The following COMMD10 variants were observed in gnomAD, a reference collection of about 807,000 sequenced individuals.
COMMD10 encodes COMM domain-containing protein 10.
Under a neutral mutation model 28.9 loss-of-function variants are expected in COMMD10, and 33 were observed. The ratio of observed to expected loss-of-function variants is 1.14; its 90% CI spans 0.87 to 1.53. The LOEUF (loss-of-function observed/expected upper bound fraction) is 1.53, where lower values mean the gene tolerates loss of function less well. COMMD10 is among the 40% of genes most tolerant of loss of function. COMMD10 has a pLI of 0.00. For missense variants in COMMD10, 310 were observed against 233.4 expected, an observed-to-expected ratio of 1.33 and a Z score of -2.14; for synonymous variants, 110 against 81.7, an observed-to-expected ratio of 1.35 and a Z score of -1.87.
At chr5:116,209,732 C>T (rs1442169379) in intron 5 of COMMD10, among the ~76,000 whole-genome samples, 2 of 152,106 alleles carry the variant, frequency 1.3e-5, no homozygotes, top group Non-Finnish European at 2.9e-5. Context: ...TTAACTTTCT[C>T]CACGCGTCTC....
chr5:116,252,758 G>A, intron 5 of COMMD10, among the ~76,000 whole-genome samples: 1 of 133,020 alleles, frequency 7.5e-6, no homozygotes, highest in African/African-American at 2.9e-5. Context: ...TGTCCTTTTG[G>A]CTTAGGATTG....
At chr5:116,238,279 G>T (rs77560009) in intron 5 of COMMD10, among the ~76,000 whole-genome samples, 1 of 152,172 alleles carries the variant, frequency 6.6e-6, no homozygotes, top group Non-Finnish European at 1.5e-5. Flanking sequence ...CAGAAAAACT[G>T]CACATATTTA....
chr5:116,127,134 T>G (rs1751682116), intron 4 of COMMD10, among the ~76,000 whole-genome samples: 1 of 152,080 alleles, frequency 6.6e-6, no homozygotes, highest in Non-Finnish European at 1.5e-5. Flanking sequence ...CAGACACTTC[T>G]CAAAAGAAGA....
At chr5:116,180,405 C>T (rs1747917487) in intron 5 of COMMD10, among the ~76,000 whole-genome samples, 2 of 151,948 alleles carry the variant, frequency 1.3e-5, no homozygotes, top group Admixed American at 1.3e-4. Context: ...TGTTTAGGTC[C>T]TAGGCCACTG....
chr5:116,238,663 T>A (rs6594960), intron 5 of COMMD10, among the ~76,000 whole-genome samples: 10 of 152,132 alleles, frequency 6.6e-5, no homozygotes, highest in Admixed American at 2.6e-4. Flanking sequence ...TTTAACAACA[T>A]CAATTCTACT....
At chr5:116,163,150 T>G (rs1752972281) in intron 5 of COMMD10, among the ~76,000 whole-genome samples, 1 of 139,698 alleles carries the variant, frequency 7.2e-6, no homozygotes, top group Non-Finnish European at 1.5e-5. Context: ...CAGCATTAGA[T>G]ATATACAAAT....
intron 5 of COMMD10, among the ~76,000 whole-genome samples, chr5:116,207,680 C>A (rs893294712): frequency 3.9e-5 from 6 of 152,112 alleles, no homozygotes; most frequent in African/African-American, 9.7e-5. Context: ...CATGCATCAC[C>A]ACACCCAGCT....
chr5:116,200,771 A>T (rs935430022), intron 5 of COMMD10, among the ~76,000 whole-genome samples: 2 of 151,904 alleles, frequency 1.3e-5, no homozygotes, highest in South Asian at 2.1e-4. Flanking sequence ...TATTTCTTAG[A>T]TCTCTCTTCT....
intron 5 of COMMD10, among the ~76,000 whole-genome samples, chr5:116,195,164 A>G (rs1473783905): frequency 1.3e-5 from 2 of 152,096 alleles, no homozygotes; most frequent in African/African-American, 4.8e-5. Context: ...GGGACGTACC[A>G]TAATGTAATA....
In COMMD10 at chr5:116,291,549, C is replaced by G. The variant is rs780977219; in HGVS notation, c.543C>G (p.His181Gln). 4 of 1,600,336 alleles carry G rather than the reference C, an allele frequency of 2.5e-6. No homozygotes were observed. The African/African-American group carries it at 5.4e-5, about 21-fold the overall frequency. ...AGAAAGTTCTTGTGGAATTCAGTCA[C>G]AAGGAGTTGTTTGATTTCTATAACA... ...SLEKVLVEFSHKELFDFYNKL... is the reference protein window; with the variant it reads ...SLEKVLVEFSQKELFDFYNKL... Residue 181 changes from histidine to glutamine, a missense_variant, in exon 6 of 7, where the codon CAC becomes CAG. Coordinates refer to ENST00000274458, the MANE Select transcript of COMMD10 (RefSeq NM_016144.4).
At chr5:116,292,391 C>T (rs1266449113) in intron 6 of COMMD10, 60 bp from the exon 7 acceptor site, 3 of 1,188,764 alleles carry the variant, frequency 2.5e-6, no homozygotes, top group African/African-American at 3.1e-5. Context: ...CTGAATAACA[C>T]TTGATATGAG....
intron 5 of COMMD10, among the ~76,000 whole-genome samples, chr5:116,203,973 A>G (rs1748744144): frequency 6.6e-6 from 1 of 152,178 alleles, no homozygotes. Flanking sequence ...AAGACCCATC[A>G]GTGTGCTGTA....
chr5:116,258,325 G>A (rs1036695606), intron 5 of COMMD10, among the ~76,000 whole-genome samples: 1 of 151,566 alleles, frequency 6.6e-6, no homozygotes, highest in Non-Finnish European at 1.5e-5. Context: ...ATCCTAGAAT[G>A]CTTTTGTATT....
At chr5:116,272,071 T>C (rs1464902759) in intron 5 of COMMD10, among the ~76,000 whole-genome samples, 2 of 151,836 alleles carry the variant, frequency 1.3e-5, no homozygotes, top group East Asian at 3.9e-4. Context: ...AATTAAAATA[T>C]AAAAATAAAA....
At chr5:116,261,012 G>A (rs1381209990) in intron 5 of COMMD10, among the ~76,000 whole-genome samples, 2 of 151,626 alleles carry the variant, frequency 1.3e-5, no homozygotes, top group Admixed American at 6.6e-5. Context: ...TGCCAAATTT[G>A]ATTTTATTTT....
At chr5:116,265,978 A>C (rs1425306099) in intron 5 of COMMD10, among the ~76,000 whole-genome samples, 1 of 151,860 alleles carries the variant, frequency 6.6e-6, no homozygotes, top group Middle Eastern at 3.2e-3. Context: ...AGTATGTGTT[A>C]GGTGCTGCAT....
intron 5 of COMMD10, among the ~76,000 whole-genome samples, chr5:116,224,045 C>T (rs750099531): frequency 6.6e-6 from 1 of 152,132 alleles, no homozygotes; most frequent in African/African-American, 2.4e-5. Context: ...AAGAACAAAG[C>T]TTCCATTTTC....
intron 5 of COMMD10, among the ~76,000 whole-genome samples, chr5:116,216,816 GA>G (rs1749115868): frequency 6.6e-6 from 1 of 152,134 alleles, no homozygotes; most frequent in African/African-American, 2.4e-5. Flanking sequence ...TTACAGGCGT[GA>G]GCCACTGCAC....
intron 4 of COMMD10, among the ~76,000 whole-genome samples, chr5:116,108,604 G>T (rs1369900826): frequency 6.6e-6 from 1 of 152,240 alleles, no homozygotes; most frequent in African/African-American, 2.4e-5. Context: ...TTTCACGTCG[G>T]TGGATCTTAG....
Sources: gnomAD v4.1 joint callset for allele counts (sites outside exome capture counted in the v4.1 genomes callset) on GRCh38, gnomAD v4.1.1 for gene constraint, MANE v1.5 for transcripts, NCBI Gene and HGNC (gene_info 2026-07-23, HGNC 2026-07-21) for gene names.